TRMT11: variants seen among roughly 807,000 people sequenced by gnomAD.
TRMT11 encodes the protein tRNA methyltransferase 11, also known as tRNA (guanine(10)-N(2))-methyltransferase TRMT11.
In TRMT11, 53 loss-of-function variants were observed where a neutral mutation model predicts 62.8. The observed-to-expected ratio is 0.84, with a 90% CI of 0.68 to 1.06. TRMT11 has a LOEUF of 1.06. Among genes scored for constraint, TRMT11 ranks in the 50% least tolerant of loss-of-function variants. The pLI, the probability that TRMT11 is intolerant of heterozygous loss-of-function variation, is 0.00. For synonymous variants in TRMT11, 188 were observed against 190.3 expected (o/e 0.99, Z 0.10); for missense variants, 556 against 553.4 (o/e 1.00, Z -0.05).
At chr6:126,170,621 T>G (rs1291870402) in intron 21 of TRMT11, among the ~76,000 whole-genome samples, 1 of 152,080 alleles carries the variant, frequency 6.6e-6, no homozygotes, top group Non-Finnish European at 1.5e-5. Flanking sequence ...GGCACACCTG[T>G]GAGCTCGCCA....
the TRMT11 span, among the ~76,000 whole-genome samples, chr6:126,217,007 C>T: frequency 6.6e-6 from 1 of 152,144 alleles, no homozygotes; most frequent in Non-Finnish European, 1.5e-5. Flanking sequence ...TCTGCTTAAT[C>T]AATCCTGCTG....
chr6:126,241,601 C>G, the TRMT11 span, among the ~76,000 whole-genome samples: 1 of 152,210 alleles, frequency 6.6e-6, no homozygotes, highest in Non-Finnish European at 1.5e-5. Flanking sequence ...CCACCATGAT[C>G]AAGTGGGCTT....
At position 125,998,143 on chromosome 6, in the gene TRMT11, T is replaced by A; in HGVS notation, c.294+9T>A. 1 of 1,611,906 alleles carries A rather than the reference T, an allele frequency of 6.2e-7. No homozygotes were observed. The highest frequency in any genetic ancestry group is 8.5e-7 in the Non-Finnish European group (1 of 1,178,028). On this transcript the variant is annotated intron_variant, in intron 4 of 12. Transcript: ENST00000334379. ...ACCCTGTGGAGAAGATGGTGCGTAG[T>A]AAAATGTGGTTTTATATAGGCATGC...
intron 17 of TRMT11, among the ~76,000 whole-genome samples, chr6:126,077,678 C>T (rs568493178): frequency 7.9e-4 from 121 of 152,318 alleles, no homozygotes; most frequent in African/African-American, 2.8e-3. Context: ...GTCAACCAAT[C>T]ATTGAGTATT....
chr6:126,184,268 T>C (rs1778501570), intron 1 of TRMT11, among the ~76,000 whole-genome samples: 1 of 152,168 alleles, frequency 6.6e-6, no homozygotes, highest in African/African-American at 2.4e-5. Context: ...CTAGAGGTCT[T>C]CTTTGAAATA....
chr6:126,076,912 TC>T (rs1256664075), intron 17 of TRMT11, among the ~76,000 whole-genome samples: 1 of 152,140 alleles, frequency 6.6e-6, no homozygotes, highest in Non-Finnish European at 1.5e-5. Context: ...AGGGAGAGAC[TC>T]CCCTCTATTC....
the TRMT11 span, among the ~76,000 whole-genome samples, chr6:126,230,480 C>G: frequency 6.6e-6 from 1 of 152,138 alleles, no homozygotes; most frequent in Non-Finnish European, 1.5e-5. Context: ...ATCAAGTACA[C>G]CTACCATACA....
Position 126,090,084 on chromosome 6 carries a change from G to A in TRMT11, c.*1438-22782G>A, listed in dbSNP as rs528279189. 7.9e-5 allele frequency among the ~76,000 whole-genome samples: 12 copies of A among 152,230 alleles called. 1 individual carries two copies. In the South Asian group the frequency reaches 2.3e-3, roughly 29 times the overall value. ...CAAATGCCAGCCAGTCCTCCAAGAC[G>A]CTCAGACATCTTTCCCTTATTGAAT... On this transcript the variant is annotated intron_variant and NMD_transcript_variant, in intron 17 of 22. Coordinates refer to the TRMT11 transcript ENST00000648977.
intron 17 of TRMT11, among the ~76,000 whole-genome samples, chr6:126,077,081 G>GTT (rs1280706568): frequency 2.6e-5 from 4 of 152,156 alleles, no homozygotes; most frequent in African/African-American, 9.7e-5. Context: ...ATTTGGCTCA[G>GTT]TTACCCTATT....
intron 17 of TRMT11, among the ~76,000 whole-genome samples, chr6:126,073,421 TCC>T (rs1776916330): frequency 6.6e-6 from 1 of 152,196 alleles, no homozygotes; most frequent in African/African-American, 2.4e-5. Context: ...TATTGATAAT[TCC>T]ATTTTTAATT....
the TRMT11 span, among the ~76,000 whole-genome samples, chr6:126,223,804 G>A: frequency 2.0e-5 from 3 of 152,010 alleles, no homozygotes; most frequent in African/African-American, 7.3e-5. Flanking sequence ...AGAGTTGTAG[G>A]TTTCATGTTT....
downstream of TRMT11, among the ~76,000 whole-genome samples, chr6:126,203,341 C>T (rs1172880005): frequency 6.6e-6 from 1 of 152,088 alleles, no homozygotes; most frequent in Non-Finnish European, 1.5e-5. Context: ...TGGAAGAGAC[C>T]ACTTAGATTT....
At chr6:126,044,260 G>A (rs543107373), downstream of TRMT11, among the ~76,000 whole-genome samples, 1 of 152,268 alleles carries the variant, frequency 6.6e-6, no homozygotes, top group East Asian at 1.9e-4. Context: ...TCCAGTTTCA[G>A]CTTTCTCCGT....
downstream of TRMT11, among the ~76,000 whole-genome samples, chr6:126,208,247 G>A (rs912243478): frequency 1.3e-5 from 2 of 152,182 alleles, no homozygotes; most frequent in South Asian, 2.1e-4. Flanking sequence ...GTTTCTAAAG[G>A]GGTATTTTTT....
intron 17 of TRMT11, among the ~76,000 whole-genome samples, chr6:126,091,583 G>C (rs963216235): frequency 2.6e-5 from 4 of 152,076 alleles, no homozygotes; most frequent in African/African-American, 9.7e-5. Flanking sequence ...ACTCAGTTAC[G>C]TTAAATTTGT....
At chr6:126,002,280 TA>T (rs1792629011) in intron 7 of TRMT11, among the ~76,000 whole-genome samples, 1 of 152,212 alleles carries the variant, frequency 6.6e-6, no homozygotes, top group South Asian at 2.1e-4. Context: ...TGCATATACG[TA>T]TTTTAGACAC....
chr6:125,986,643 G>A, intron 1 of TRMT11, 21 bp downstream of exon 1: 3 of 1,568,732 alleles, frequency 1.9e-6, no homozygotes, highest in Admixed American at 1.9e-5. Context: ...AGCGCCCTCC[G>A]GAACTTCCGA....
chr6:125,987,240 G>T (rs568312371), intron 1 of TRMT11: 1 of 152,172 alleles, frequency 6.6e-6, no homozygotes, highest in Non-Finnish European at 1.5e-5. Context: ...ATGAGAGCAC[G>T]TGGAAGGGAA....
chr6:126,200,882 C>T (rs1045017988), intron 3 of TRMT11, among the ~76,000 whole-genome samples: 1 of 152,172 alleles, frequency 6.6e-6, no homozygotes, highest in Non-Finnish European at 1.5e-5. Context: ...AAGGCTGACT[C>T]ATCATTGGCC....
Sources: gnomAD v4.1 joint callset for allele counts (sites outside exome capture counted in the v4.1 genomes callset) on GRCh38, gnomAD v4.1.1 for gene constraint, MANE v1.5 for transcripts, NCBI Gene and HGNC (gene_info 2026-07-23, HGNC 2026-07-21) for gene names.